CLIP1: variants seen among roughly 807,000 people sequenced by gnomAD.
CLIP1 encodes CAP-Gly domain containing linker protein 1.
In CLIP1, 66 loss-of-function variants were observed where a neutral mutation model predicts 161.6. The ratio of observed to expected loss-of-function variants is 0.41; its 90% CI spans 0.33 to 0.50. The LOEUF is 0.50. Among genes scored for constraint, CLIP1 ranks in the 20% least tolerant of loss-of-function variants. The pLI is 0.27. For synonymous variants in CLIP1, 598 were observed against 626.2 expected (o/e 0.96, Z 0.67); for missense variants, 1,376 against 1,702.0 (o/e 0.81, Z 3.37).
chr12:122,336,601 C>G (rs745423441), intron 12 of CLIP1, 31 bp downstream of exon 12: 18 of 1,118,530 alleles, frequency 1.6e-5, no homozygotes, highest in Non-Finnish European at 2.3e-5. Context: ...GGCCAGAAAC[C>G]CTGAGATTCA....
chr12:122,404,489 T>C (rs748123079), intron 1 of CLIP1, among the ~76,000 whole-genome samples: 7 of 152,078 alleles, frequency 4.6e-5, no homozygotes, highest in Admixed American at 6.6e-5. Context: ...ATCCCAGTTA[T>C]TCAGGAGTCT....
chr12:122,342,940 C>T (rs528979911), intron 10 of CLIP1: 1 of 150,370 alleles, frequency 6.7e-6, no homozygotes, highest in Non-Finnish European at 1.5e-5. Flanking sequence ...ATTATTAAAA[C>T]TAATTTAACT....
intron 1 of CLIP1, among the ~76,000 whole-genome samples, chr12:122,382,163 A>C (rs1377753799): frequency 6.6e-6 from 1 of 152,096 alleles, no homozygotes; most frequent in African/African-American, 2.4e-5. Context: ...GGGGTTTGAG[A>C]CCAGCCTGAC....
chr12:122,296,018 A>G (rs151338577), intron 20 of CLIP1, among the ~76,000 whole-genome samples: 1 of 152,254 alleles, frequency 6.6e-6, no homozygotes, highest in Non-Finnish European at 1.5e-5. Context: ...TCTTATAGAC[A>G]GCATATAGTT....
chr12:122,357,410 C>G (rs1386490445), intron 5 of CLIP1, among the ~76,000 whole-genome samples: 1 of 151,660 alleles, frequency 6.6e-6, no homozygotes, highest in African/African-American at 2.4e-5. Flanking sequence ...GGCAGCCGCC[C>G]TGTCTGAGAA....
chr12:122,407,027 G>C (rs1956348185), intron 1 of CLIP1, among the ~76,000 whole-genome samples: 1 of 151,902 alleles, frequency 6.6e-6, no homozygotes, highest in Non-Finnish European at 1.5e-5. Flanking sequence ...CTGTGACTTT[G>C]TAACTCTAAC....
rs977341949 is a variant in CLIP1 at position 122,328,136 on chromosome 12, G to A, written c.3060C>T (p.Asn1020=). The stretch of plus-strand genomic sequence containing the variant: ...ACCTGGCTTTCAGCTCCTGACACTG[G>A]TTGTGGCTTGTTTCCATTTTCTTTT... ...DLEKKMETSH[N]QCQELKARYE... is the part of the protein sequence containing the mutation. Residue 1020 remains asparagine, a synonymous_variant, in exon 17 of 26, where the codon AAC becomes AAT. Transcript: ENST00000620786. 5.0e-6 allele frequency: 8 copies of A among 1,613,994 alleles called. No individual in the cohort carries two copies. The Admixed American group carries it at 5.0e-5, about 10-fold the overall frequency.
At chr12:122,295,457 A>G (rs1400904348) in intron 20 of CLIP1, among the ~76,000 whole-genome samples, 2 of 152,242 alleles carry the variant, frequency 1.3e-5, no homozygotes, top group Non-Finnish European at 2.9e-5. Context: ...AATGTTTTCT[A>G]CTGTGGTAAG....
At chr12:122,294,073 A>G (rs1033269563) in intron 20 of CLIP1, among the ~76,000 whole-genome samples, 2 of 151,954 alleles carry the variant, frequency 1.3e-5, no homozygotes, top group South Asian at 2.1e-4. Flanking sequence ...CCAAACCTGT[A>G]ATCCCAGCAC....
At chr12:122,286,228 G>C (rs943099291) in intron 21 of CLIP1, among the ~76,000 whole-genome samples, 3 of 152,024 alleles carry the variant, frequency 2.0e-5, no homozygotes, top group Non-Finnish European at 2.9e-5. Flanking sequence ...CATTTTAAAA[G>C]AGCAGACAGG....
intron 21 of CLIP1, among the ~76,000 whole-genome samples, chr12:122,286,815 G>A (rs1017033351): frequency 1.3e-5 from 2 of 151,938 alleles, no homozygotes; most frequent in Non-Finnish European, 2.9e-5. Context: ...TGGCTAACAC[G>A]GTGAAACCCC....
chr12:122,277,972 T>G (rs1197025850), intron 24 of CLIP1, 182 bp downstream of exon 24: 4 of 630,992 alleles, frequency 6.3e-6, no homozygotes, highest in Non-Finnish European at 1.1e-5. Flanking sequence ...GAGAGAAGGT[T>G]TGGAGGAAGA....
chr12:122,387,570 ATATATATATATATATATATATTTTTT>A (rs1187568215), intron 1 of CLIP1, among the ~76,000 whole-genome samples: 142 of 9,366 alleles, frequency 0.015, 3 homozygotes, highest in Non-Finnish European at 0.037. Flanking sequence ...ATATATATAT[ATATATATATATATATATATATTTTTT>A]TTTTTTTTTT....
At chr12:122,291,501 C>A (rs977519018) in intron 20 of CLIP1, among the ~76,000 whole-genome samples, 2 of 152,106 alleles carry the variant, frequency 1.3e-5, no homozygotes, top group African/African-American at 4.8e-5. Flanking sequence ...GTTCCTCATT[C>A]TTTCCTTGTC....
Position 122,329,615 on chromosome 12 carries a change from G to C in CLIP1, c.2868-1189C>G, listed in dbSNP as rs536600937. ...ACTGCACTCCAGCCTGGGCGACAGA[G>C]CGAGACTCTGTCTCAAAAAAAAAAA... On this transcript the variant is annotated intron_variant, in intron 15 of 25. Coordinates refer to ENST00000620786, the MANE Select transcript of CLIP1 (RefSeq NM_001247997.2). Among the ~76,000 whole-genome samples the C allele has an allele frequency of 1.9e-4, 29 of 150,344 alleles. No individual in the cohort carries two copies. In the South Asian group the frequency reaches 6.1e-3, roughly 31 times the overall value.
At chr12:122,383,525 C>T (rs1175816987) in intron 1 of CLIP1, among the ~76,000 whole-genome samples, 1 of 152,184 alleles carries the variant, frequency 6.6e-6, no homozygotes, top group African/African-American at 2.4e-5. Context: ...CTCTGGTTGT[C>T]GGTCCATCTG....
intron 1 of CLIP1, among the ~76,000 whole-genome samples, chr12:122,390,266 A>ATATATATATATATATATATG (rs1566214314): frequency 1.2e-5 from 1 of 83,404 alleles, no homozygotes; most frequent in African/African-American, 3.3e-5. Context: ...ATATACACAC[A>ATATATATATATATATATATG]CATATATATA....
In CLIP1 at chr12:122,355,768, T is replaced by A. The variant is rs1953310640; in HGVS notation, c.1006-456A>T. 1 of 159,400 alleles carries A rather than the reference T, an allele frequency of 6.3e-6. No individual in the cohort carries two copies. The highest frequency in any genetic ancestry group is 1.8e-4 in the South Asian group (1 of 5,654). 9.9% of individuals were successfully genotyped at this position (159,400 alleles called of 1,614,324 possible). A position where few individuals can be genotyped will look rare whatever the true frequency, so the allele number is the denominator to read the frequency against. On this transcript the variant is annotated intron_variant, in intron 5 of 25. Transcript: ENST00000620786. The surrounding 1 kb of genome is among the most constrained non-coding windows in gnomAD (Gnocchi z 4.1). ...AGCTGGGATCACAGGCGTGCACCAC[T>A]ACCGCCCAGCTAATTTTTATATTTT...
chr12:122,302,748 C>T (rs550304778), intron 20 of CLIP1, among the ~76,000 whole-genome samples: 11 of 152,210 alleles, frequency 7.2e-5, no homozygotes, highest in Admixed American at 6.5e-4. Flanking sequence ...AGGCAGGCAC[C>T]ACCACGCCTG....
Sources: allele counts gnomAD v4.1 joint callset (sites outside exome capture counted in the v4.1 genomes callset), GRCh38; gene constraint gnomAD v4.1.1; non-coding constraint Gnocchi (gnomAD v3.1); transcripts MANE v1.5; gene names NCBI Gene and HGNC (gene_info 2026-07-23, HGNC 2026-07-21).